The following CYP3A4 variants were observed in gnomAD, a reference collection of about 807,000 sequenced individuals.
CYP3A4 encodes the protein cytochrome P450 family 3 subfamily A member 4, also known as cytochrome P450 3A4.
A neutral mutation model predicts 54.9 loss-of-function variants in CYP3A4; 41 were observed. That is an observed-to-expected ratio of 0.75 (90% CI 0.58 to 0.97). The LOEUF (loss-of-function observed/expected upper bound fraction) is 0.97, where lower values mean the gene tolerates loss of function less well. Ranked by LOEUF, CYP3A4 falls within the 50% of genes least tolerant of loss-of-function variation. The pLI is 0.00. For missense variants in CYP3A4, 510 were observed against 597.3 expected (o/e 0.85, Z 1.52); for synonymous variants, 179 against 205.2 (o/e 0.87, Z 1.09).
intron 12 of CYP3A4, among the ~76,000 whole-genome samples, chr7:99,759,488 C>T (rs1815262622): frequency 6.6e-6 from 1 of 152,086 alleles, no homozygotes; most frequent in African/African-American, 2.4e-5. Context: ...CATTAAATAG[C>T]TTAATATATG....
intron 4 of CYP3A4, among the ~76,000 whole-genome samples, chr7:99,770,906 T>A (rs1269974803): frequency 6.6e-6 from 1 of 152,186 alleles, no homozygotes; most frequent in Non-Finnish European, 1.5e-5. Flanking sequence ...CCATTTTTTT[T>A]ATAATGAGTA....
chr7:99,767,680 G>A (rs1815509712), intron 7 of CYP3A4, among the ~76,000 whole-genome samples: 1 of 152,090 alleles, frequency 6.6e-6, no homozygotes, highest in Non-Finnish European at 1.5e-5. Flanking sequence ...ATGGAATAAA[G>A]ATAAAATCAA....
At chr7:99,776,750 G>A (rs1220286680) in intron 3 of CYP3A4, among the ~76,000 whole-genome samples, 3 of 152,132 alleles carry the variant, frequency 2.0e-5, no homozygotes, top group Non-Finnish European at 4.4e-5. Flanking sequence ...TAGGTGACAG[G>A]TTGATGGGTG....
At chr7:99,766,324 A>G in intron 9 of CYP3A4, 53 bp downstream of exon 9, 1 of 1,590,300 alleles carries the variant, frequency 6.3e-7, no homozygotes, top group Non-Finnish European at 8.6e-7. Context: ...TTTTCAGAAC[A>G]AGGCCTTCCC....
intron 12 of CYP3A4, among the ~76,000 whole-genome samples, chr7:99,760,057 G>A (rs573822601): frequency 6.6e-6 from 1 of 151,988 alleles, no homozygotes; most frequent in Non-Finnish European, 1.5e-5. Flanking sequence ...GGATGGTCTC[G>A]ATCTCCTGAC....
At chr7:99,773,912 G>T (rs2151562909) in intron 3 of CYP3A4, among the ~76,000 whole-genome samples, 1 of 152,174 alleles carries the variant, frequency 6.6e-6, no homozygotes, top group African/African-American at 2.4e-5. Context: ...CCAGGAGCTG[G>T]TTTTTTGAAA....
At chr7:99,772,220 A>G (rs1365087438) in intron 4 of CYP3A4, among the ~76,000 whole-genome samples, 2 of 152,182 alleles carry the variant, frequency 1.3e-5, no homozygotes, top group African/African-American at 4.8e-5. Flanking sequence ...TCATTGCACA[A>G]ATCTACTAAT....
chr7:99,758,225 G>A lies in CYP3A4; in HGVS notation c.1420C>T (p.Pro474Ser). Reference sequence around the variant, plus strand: ...AGTCCTCCTAAGCTTAATTTCAGGGGGATCTGCAACAGTTAAACAAGCATA... The same window carrying A: ...AGTCCTCCTAAGCTTAATTTCAGGGAGATCTGCAACAGTTAAACAAGCATA... The part of the protein sequence containing the change: ...SFKPCKETQI[P>S]LKLSLGGLLQ... The change falls in exon 13 of 13, where the codon CCC (proline) becomes TCC (serine). Residue 474 changes from proline (P) to serine (S), a missense_variant. Transcript: ENST00000651514. 6.2e-7 allele frequency: 1 copy of A among 1,613,656 alleles called. No individual in the cohort carries two copies. Among genetic ancestry groups the A allele is most frequent in the Middle Eastern group, 1.7e-4 (1 of 6,038 alleles).
At chr7:99,770,050 A>ATC (rs1282357017) in intron 5 of CYP3A4, 72 bp downstream of exon 5, 6 of 1,551,930 alleles carry the variant, frequency 3.9e-6, no homozygotes, top group Non-Finnish European at 5.3e-6. Context: ...AGGGACTGTG[A>ATC]TCTTATTTTA....
intron 1 of CYP3A4, among the ~76,000 whole-genome samples, chr7:99,781,614 G>A (rs1436886430): frequency 6.6e-6 from 1 of 152,154 alleles, no homozygotes; most frequent in African/African-American, 2.4e-5. Flanking sequence ...GATGGAAGAG[G>A]TCACCATCCT....
intron 3 of CYP3A4, among the ~76,000 whole-genome samples, chr7:99,773,703 A>G (rs1815689804): frequency 6.6e-6 from 1 of 152,236 alleles, no homozygotes; most frequent in Non-Finnish European, 1.5e-5. Flanking sequence ...AGCAGTGTGT[A>G]GAGGGAAATT....
chr7:99,766,956 C>A (rs945419244), intron 8 of CYP3A4, 175 bp downstream of exon 8: 1 of 552,312 alleles, frequency 1.8e-6, no homozygotes, highest in Admixed American at 3.7e-5. Flanking sequence ...TATCTCCTTC[C>A]CCAAACCCCA....
At chr7:99,772,490 C>A in intron 4 of CYP3A4, 100 bp downstream of exon 4, 1 of 1,498,504 alleles carries the variant, frequency 6.7e-7, no homozygotes, top group Non-Finnish European at 9.1e-7. Flanking sequence ...GACGTGGAAC[C>A]TTCCTGGACA....
At position 99,784,155 on chromosome 7, in the gene CYP3A4, G is replaced by A. The variant is rs1438109235; in HGVS notation, c.-74C>T. ...TGTGTTGCTCTTTGCTGGGCTATGTGCATGGAGCTTTCCTGCCCTGCACAG... is the reference window on the plus strand; with the variant it reads ...TGTGTTGCTCTTTGCTGGGCTATGTACATGGAGCTTTCCTGCCCTGCACAG... On this transcript the variant is annotated 5_prime_UTR_variant, in exon 1 of 13. Coordinates refer to ENST00000651514, the MANE Select transcript of CYP3A4 (RefSeq NM_017460.6). The A allele has an allele frequency of 2.9e-6, 4 of 1,394,014 alleles. No individual in the cohort carries two copies. The South Asian group carries it at 3.5e-5, about 12-fold the overall frequency. 86.4% of individuals were successfully genotyped at this position (1,394,014 alleles called of 1,614,324 possible).
intron 8 of CYP3A4, 148 bp from the exon 9 acceptor site, chr7:99,766,591 A>G (rs1040781343): frequency 9.7e-6 from 9 of 931,842 alleles, no homozygotes; most frequent in African/African-American, 1.7e-5. Context: ...ACCAGTGAAA[A>G]ACATACCCTT....
Position 99,769,812 on chromosome 7 carries a change from A to G in CYP3A4, c.477T>C (p.Asn159=). The change falls in exon 6 of 13, where the codon AAT becomes AAC. Residue 159 remains asparagine, a synonymous_variant. Transcript: ENST00000651514. ...TGCCTGTCTCTGCTTCCCGCCTCAG[A>G]TTTCTCACCAACACATCTCCATACT... ...IAQYGDVLVR[N]LRREAETGKP... The G allele has an allele frequency of 6.2e-7, 1 of 1,613,920 alleles. No homozygotes were observed. The highest frequency in any genetic ancestry group is 8.5e-7 in the Non-Finnish European group (1 of 1,179,882).
At chr7:99,769,989 G>A (rs962447548) in intron 5 of CYP3A4, 133 bp from the exon 6 acceptor site, 24 of 1,552,106 alleles carry the variant, frequency 1.5e-5, no homozygotes, top group Non-Finnish European at 1.9e-5. Flanking sequence ...TGTACATAAA[G>A]ATAAAAGACC....
intron 3 of CYP3A4, among the ~76,000 whole-genome samples, chr7:99,774,975 A>T (rs1295288612): frequency 6.6e-6 from 1 of 152,196 alleles, no homozygotes; most frequent in Non-Finnish European, 1.5e-5. Context: ...TAAGCTGATA[A>T]GCAACTTCAG....
At chr7:99,781,018 T>A (rs952027908) in intron 1 of CYP3A4, among the ~76,000 whole-genome samples, 1 of 152,136 alleles carries the variant, frequency 6.6e-6, no homozygotes, top group Non-Finnish European at 1.5e-5. Context: ...ATACTGGAGG[T>A]GGGGCCTGGT....
Sources: gnomAD v4.1 joint callset for allele counts (sites outside exome capture counted in the v4.1 genomes callset) on GRCh38, gnomAD v4.1.1 for gene constraint, MANE v1.5 for transcripts, NCBI Gene and HGNC (gene_info 2026-07-23, HGNC 2026-07-21) for gene names.